The following TRHDE variants were observed in gnomAD, a reference collection of about 807,000 sequenced individuals.
The protein encoded by TRHDE is thyrotropin releasing hormone degrading enzyme.
TRHDE carries 72 observed loss-of-function variants against 125.7 expected under a neutral mutation model. The ratio of observed to expected loss-of-function variants is 0.57; its 90% CI spans 0.47 to 0.70. The LOEUF is 0.70. Among genes scored for constraint, TRHDE ranks in the 30% least tolerant of loss-of-function variants. The probability of loss-of-function intolerance (pLI) is 0.00; values close to 1 mark genes in which losing one functional copy is unlikely to be tolerated. For missense variants in TRHDE, 1,110 were observed against 1,327.1 expected (o/e 0.84, Z 2.54); for synonymous variants, 509 against 509.1 (o/e 1.00, Z 0.00).
At chr12:72,506,309 TCAAA>T (rs561842787) in intron 6 of TRHDE, among the ~76,000 whole-genome samples, 70 of 152,128 alleles carry the variant, frequency 4.6e-4, no homozygotes, top group African/African-American at 7.7e-4. Flanking sequence ...AAATCCTATT[TCAAA>T]CAAACAAACA....
chr12:72,455,774 T>C (rs1205909270), intron 3 of TRHDE, among the ~76,000 whole-genome samples: 2 of 152,044 alleles, frequency 1.3e-5, no homozygotes. Context: ...TTACAAATGA[T>C]TTTTTGAAAG....
intron 3 of TRHDE, among the ~76,000 whole-genome samples, chr12:72,452,691 G>A (rs553010248): frequency 1.6e-4 from 25 of 152,190 alleles, no homozygotes; most frequent in African/African-American, 5.3e-4. Flanking sequence ...CATGGGGGTG[G>A]ACTTCTCATG....
chr12:72,211,761 T>C (rs1006719271), intron 2 of TRHDE, among the ~76,000 whole-genome samples: 3 of 152,184 alleles, frequency 2.0e-5, no homozygotes, highest in Non-Finnish European at 4.4e-5. Flanking sequence ...GGAGAAAGTA[T>C]TTTAACAAAA....
At position 72,277,884 on chromosome 12, in the gene TRHDE, A is replaced by G. The variant is rs150593966; in HGVS notation, c.914+4327A>G. On this transcript the variant is annotated intron_variant, in intron 1 of 18. Coordinates refer to ENST00000261180, the MANE Select transcript of TRHDE (RefSeq NM_013381.3). ...TAATCTAATGTTTTGAAGTATGCAT[A>G]CATTTGGAACAAATGTAGTTAATTA... is the stretch of plus-strand genomic sequence containing the variant. 7.0e-3 allele frequency among the ~76,000 whole-genome samples: 1,063 copies of G among 152,276 alleles called. 14 individuals are homozygous for G. The highest frequency in any genetic ancestry group is 0.024 in the African/African-American group (1,009 of 41,566).
At chr12:72,563,126 T>C in intron 9 of TRHDE, 86 bp downstream of exon 9, 1 of 1,009,900 alleles carries the variant, frequency 9.9e-7, no homozygotes, top group East Asian at 2.7e-5. Context: ...AATAACAAAA[T>C]TCTGAAATAT....
At chr12:72,628,527 T>A (rs1196963115) in intron 15 of TRHDE, among the ~76,000 whole-genome samples, 1 of 151,918 alleles carries the variant, frequency 6.6e-6, no homozygotes, top group African/African-American at 2.4e-5. Flanking sequence ...TAATTTTTAA[T>A]TTAATCAGTT....
At chr12:72,559,516 A>C (rs1870076323) in intron 7 of TRHDE, among the ~76,000 whole-genome samples, 1 of 152,150 alleles carries the variant, frequency 6.6e-6, no homozygotes, top group Admixed American at 6.5e-5. Context: ...ACTTTTAATC[A>C]GTCTATATTA....
intron 2 of TRHDE, among the ~76,000 whole-genome samples, chr12:72,236,102 C>A (rs1019521365): frequency 9.2e-5 from 14 of 152,066 alleles, no homozygotes; most frequent in African/African-American, 3.1e-4. Flanking sequence ...TTTTACTGAC[C>A]ATAACTAGTT....
At chr12:72,630,015 T>G (rs1673989146) in intron 15 of TRHDE, among the ~76,000 whole-genome samples, 1 of 150,264 alleles carries the variant, frequency 6.7e-6, no homozygotes, top group Non-Finnish European at 1.5e-5. Context: ...TTGTTTCATT[T>G]TATGTATATA....
At chr12:72,462,284 G>A (rs1237314501) in intron 3 of TRHDE, among the ~76,000 whole-genome samples, 1 of 152,154 alleles carries the variant, frequency 6.6e-6, no homozygotes, top group Non-Finnish European at 1.5e-5. Context: ...AGATGGTTTT[G>A]GATTGGAAGA....
chr12:72,245,363 G>C (rs1878556864), intron 2 of TRHDE, among the ~76,000 whole-genome samples: 1 of 151,560 alleles, frequency 6.6e-6, no homozygotes, highest in African/African-American at 2.4e-5. Flanking sequence ...AGAGATGGAG[G>C]CTCTCTACCT....
intron 2 of TRHDE, among the ~76,000 whole-genome samples, chr12:72,367,389 T>C (rs931742138): frequency 6.6e-6 from 1 of 152,096 alleles, no homozygotes; most frequent in African/African-American, 2.4e-5. Flanking sequence ...TCAAGGCTCT[T>C]TGGGCTCTGC....
chr12:72,363,185 C>G lies in TRHDE; in HGVS notation c.1189-14810C>G, dbSNP rs371997769. On this transcript the variant is annotated intron_variant, in intron 2 of 18. Transcript: ENST00000261180. ...TGGATGGATTCACAGCCGAATTCTA[C>G]CAGAGGTACGAGGAGGAACTGGTAC... Among the ~76,000 whole-genome samples the G allele has an allele frequency of 1.6e-4, 24 of 151,782 alleles. No homozygotes were observed. In the East Asian group the frequency reaches 4.3e-3, roughly 27 times the overall value.
chr12:72,615,714 T>A (rs182057441), intron 12 of TRHDE, among the ~76,000 whole-genome samples: 5 of 152,224 alleles, frequency 3.3e-5, no homozygotes, highest in Non-Finnish European at 5.9e-5. Flanking sequence ...GAGGTCTGCA[T>A]TAAAGAAGCT....
intron 3 of TRHDE, among the ~76,000 whole-genome samples, chr12:72,433,279 T>G (rs902757473): frequency 2.6e-5 from 4 of 152,210 alleles, no homozygotes; most frequent in Non-Finnish European, 5.9e-5. Context: ...AAGTATTGTC[T>G]GCTTGTGGTC....
intron 2 of TRHDE, among the ~76,000 whole-genome samples, chr12:72,168,313 G>T (rs1161662693): frequency 1.3e-5 from 2 of 152,192 alleles, no homozygotes; most frequent in African/African-American, 4.8e-5. Context: ...TAATTTAGAT[G>T]ATACCAATCA....
chr12:72,284,461 A>G (rs912225651), intron 1 of TRHDE, among the ~76,000 whole-genome samples: 8 of 152,216 alleles, frequency 5.3e-5, no homozygotes, highest in African/African-American at 1.7e-4. Flanking sequence ...ATAAAAGCAT[A>G]TGAAGACAAA....
At chr12:72,444,584 G>T (rs770864202) in intron 3 of TRHDE, among the ~76,000 whole-genome samples, 1 of 151,762 alleles carries the variant, frequency 6.6e-6, no homozygotes, top group African/African-American at 2.4e-5. Context: ...GACTTTATAA[G>T]GACATAGTTG....
chr12:72,329,998 T>C (rs1479098624), intron 2 of TRHDE, among the ~76,000 whole-genome samples: 1 of 152,122 alleles, frequency 6.6e-6, no homozygotes, highest in Non-Finnish European at 1.5e-5. Context: ...GTCAGTGCAG[T>C]GGAATGAAAA....
Sources: allele counts gnomAD v4.1 joint callset (sites outside exome capture counted in the v4.1 genomes callset), GRCh38; gene constraint gnomAD v4.1.1; transcripts MANE v1.5; gene names NCBI Gene and HGNC (gene_info 2026-07-23, HGNC 2026-07-21).